ADSS1: variants seen among roughly 807,000 people sequenced by gnomAD.
ADSS1 encodes adenylosuccinate synthase 1.
A neutral mutation model predicts 59.1 loss-of-function variants in ADSS1; 57 were observed. The observed-to-expected ratio is 0.97, with a 90% CI of 0.78 to 1.20. The LOEUF (loss-of-function observed/expected upper bound fraction) is 1.20, where lower values mean the gene tolerates loss of function less well. Among genes scored for constraint, ADSS1 ranks in the 50% most tolerant of loss-of-function variants. ADSS1 has a pLI of 0.00. For synonymous variants in ADSS1, 247 were observed against 249.4 expected, an observed-to-expected ratio of 0.99 and a Z score of 0.09; for missense variants, 603 against 610.3, an observed-to-expected ratio of 0.99 and a Z score of 0.13.
intron 2 of ADSS1, 26 bp downstream of exon 2, chr14:104,735,148 G>T: frequency 6.4e-7 from 1 of 1,573,764 alleles, no homozygotes; most frequent in Non-Finnish European, 8.7e-7. Context: ...CGACCTGTGT[G>T]TGAGCAGGAA....
At chr14:104,728,996 G>T (rs1176051637) in intron 1 of ADSS1, among the ~76,000 whole-genome samples, 1 of 152,236 alleles carries the variant, frequency 6.6e-6, no homozygotes, top group Non-Finnish European at 1.5e-5. Context: ...CGTCAGACAT[G>T]CAGTCCGCTA....
In ADSS1 at chr14:104,741,859, T is replaced by A; in HGVS notation, c.805T>A (p.Phe269Ile). Residue 269 changes from phenylalanine (F) to isoleucine (I), a missense_variant, in exon 9 of 13, where the codon TTT becomes ATT. Physicochemically the swap from Phe to Ile is conservative, Grantham distance 21. Transcript: ENST00000330877. ...LLDIDFGTYP[F>I]VTSSNCTVGG... ...GCTCTGTCTTGCAGGGACCTACCCC[T>A]TTGTGACTTCATCCAACTGCACCGT... 6.2e-7 allele frequency: 1 copy of A among 1,613,292 alleles called. No homozygotes were observed. The highest frequency in any genetic ancestry group is 1.7e-5 in the Admixed American group (1 of 60,022).
rs531351764 is a variant in ADSS1 at position 104,738,696 on chromosome 14, G to T, written c.358+258G>T. Among the ~76,000 whole-genome samples, 6 of 152,362 alleles carry T rather than the reference G, an allele frequency of 3.9e-5. No homozygotes were observed. In the South Asian group the frequency reaches 1.2e-3, roughly 32 times the overall value. On this transcript the variant is annotated intron_variant, in intron 3 of 12. Coordinates refer to ENST00000330877, the MANE Select transcript of ADSS1 (RefSeq NM_152328.5). ...CTGGGAAGTCCAGGAAGGAGCCAGGGACCTGGACCAGACACCCAGTGGGAA... is the reference window on the plus strand; with the variant it reads ...CTGGGAAGTCCAGGAAGGAGCCAGGTACCTGGACCAGACACCCAGTGGGAA...
chr14:104,733,541 C>A (rs191747057), intron 1 of ADSS1, among the ~76,000 whole-genome samples: 38 of 152,178 alleles, frequency 2.5e-4, no homozygotes, highest in African/African-American at 8.7e-4. Context: ...CACGGAGGGT[C>A]CTGCTTGGGC....
intron 1 of ADSS1, among the ~76,000 whole-genome samples, chr14:104,733,952 G>T (rs1036917950): frequency 1.3e-5 from 2 of 152,204 alleles, no homozygotes; most frequent in Non-Finnish European, 2.9e-5. Flanking sequence ...TCTCTCCTGG[G>T]GCAGAGACCT....
intron 11 of ADSS1, chr14:104,745,261 C>T (rs770481589): frequency 3.9e-5 from 10 of 259,258 alleles, no homozygotes; most frequent in Admixed American, 1.5e-4. Flanking sequence ...TTAGTGGATG[C>T]GGTCGGCTCT....
chr14:104,733,669 G>T (rs4983383), intron 1 of ADSS1, among the ~76,000 whole-genome samples: 1 of 152,102 alleles, frequency 6.6e-6, no homozygotes, highest in Non-Finnish European at 1.5e-5. Context: ...TCCCCCATGC[G>T]TAGACAAGTT....
intron 2 of ADSS1, chr14:104,738,097 A>C (rs1891193796): frequency 3.5e-6 from 1 of 283,734 alleles, no homozygotes; most frequent in African/African-American, 2.2e-5. Context: ...CCCAGGTTCA[A>C]GCGATTCTCC....
intron 2 of ADSS1, among the ~76,000 whole-genome samples, chr14:104,735,711 T>G (rs1455670627): frequency 6.6e-6 from 1 of 151,926 alleles, no homozygotes; most frequent in Non-Finnish European, 1.5e-5. Flanking sequence ...ACACAGCTCC[T>G]CCCCTGCAGC....
chr14:104,730,283 C>A, intron 1 of ADSS1: 1 of 1,406,170 alleles, frequency 7.1e-7, no homozygotes, highest in South Asian at 1.6e-5. Context: ...CACTTAGGGT[C>A]AGGAGTTCAA....
chr14:104,732,600 A>G (rs1020967499), intron 1 of ADSS1, among the ~76,000 whole-genome samples: 1 of 152,176 alleles, frequency 6.6e-6, no homozygotes, highest in African/African-American at 2.4e-5. Context: ...TTTGCCCCCA[A>G]CAGAGCCAGG....
At chr14:104,744,585 A>G in intron 10 of ADSS1, 2 of 562,552 alleles carry the variant, frequency 3.6e-6, no homozygotes, top group Non-Finnish European at 6.4e-6. Context: ...GGCTCCTGTG[A>G]GAATTGAATG....
intron 10 of ADSS1, 21 bp from the exon 11 acceptor site, chr14:104,744,791 C>T (rs752470232): frequency 5.0e-6 from 8 of 1,612,882 alleles, no homozygotes; most frequent in East Asian, 4.5e-5. Flanking sequence ...TGGGTTTGCC[C>T]GGCCCCTTGG....
rs760756315 is a variant in ADSS1 at position 104,740,830 on chromosome 14, C to T, written c.585-9C>T. On this transcript the variant is annotated splice_polypyrimidine_tract_variant and intron_variant, in intron 6 of 12. Coordinates refer to ENST00000330877, the MANE Select transcript of ADSS1 (RefSeq NM_152328.5). This position sits in a 1 kb window ranked among gnomAD's most constrained non-coding sequence, Gnocchi z 4.8. ...TGACAGGGGGTGATGATGACTGTCCCTTGTGCAGATTCAAGAACCTGGCCC... is the reference window on the plus strand; with the variant it reads ...TGACAGGGGGTGATGATGACTGTCCTTTGTGCAGATTCAAGAACCTGGCCC... The T allele has an allele frequency of 8.1e-6, 13 of 1,613,848 alleles. No individual in the cohort carries two copies. The highest frequency in any genetic ancestry group is 1.1e-5 in the Non-Finnish European group (13 of 1,179,978).
At chr14:104,730,236 G>GT (rs1890873504) in intron 1 of ADSS1, 2 of 1,475,676 alleles carry the variant, frequency 1.4e-6, no homozygotes, top group African/African-American at 1.4e-5. Context: ...GCGTACATCT[G>GT]TAACTCCAGC....
rs745899389 is a variant in ADSS1 at position 104,740,808 on chromosome 14, CA to C, written c.585-30del. On this transcript the variant is annotated intron_variant, in intron 6 of 12. Transcript: ENST00000330877. The surrounding 1 kb of genome is among the most constrained non-coding windows in gnomAD (Gnocchi z 4.8). The stretch of plus-strand genomic sequence containing the variant: ...CCCTGAGGACCAGCATGGACCATGA[CA>C]GGGGGTGATGATGACTGTCCCTTGT... 4 of 1,613,488 alleles carry C rather than the reference CA, an allele frequency of 2.5e-6. No individual in the cohort carries two copies. Among genetic ancestry groups the C allele is most frequent in the Non-Finnish European group, 3.4e-6 (4 of 1,179,658 alleles).
intron 1 of ADSS1, among the ~76,000 whole-genome samples, chr14:104,725,932 C>G (rs558341130): frequency 6.6e-6 from 1 of 152,360 alleles, no homozygotes; most frequent in Non-Finnish European, 1.5e-5. Flanking sequence ...CCTGGCTCCG[C>G]GCTCCCAGCT....
rs1357947441 is a variant in ADSS1 at position 104,724,353 on chromosome 14, CGACCGGCTCCCGCGTGACGGTGGT to C, written c.85_108del (p.Thr29_Val36del). On this transcript the variant is annotated inframe_deletion, in exon 1 of 13. Coordinates refer to ENST00000330877, the MANE Select transcript of ADSS1 (RefSeq NM_152328.5). Reference sequence around the variant, plus strand: ...GGGCGGCTGCAGCAGGAGGCGGCGGCGACCGGCTCCCGCGTGACGGTGGTGCTGGGCGCGCAGTGGGGGGACGAG... The same window carrying C: ...GGGCGGCTGCAGCAGGAGGCGGCGGCGCTGGGCGCGCAGTGGGGGGACGAG... 4.8e-6 allele frequency: 6 copies of C among 1,244,914 alleles called. No individual in the cohort carries two copies. The East Asian group carries it at 1.9e-4, about 39-fold the overall frequency. The allele number at this position is 1,244,914 out of a possible 1,614,324, so 77.1% of individuals were successfully genotyped here.
At chr14:104,736,127 C>T (rs1455635515) in intron 2 of ADSS1, among the ~76,000 whole-genome samples, 1 of 152,226 alleles carries the variant, frequency 6.6e-6, no homozygotes, top group East Asian at 1.9e-4. Flanking sequence ...TGGAGTGACT[C>T]ACCCAAGACC....
Sources: gnomAD v4.1 joint callset for allele counts (sites outside exome capture counted in the v4.1 genomes callset) on GRCh38, gnomAD v4.1.1 for gene constraint, Gnocchi (gnomAD v3.1) non-coding constraint, MANE v1.5 for transcripts, NCBI Gene and HGNC (gene_info 2026-07-23, HGNC 2026-07-21) for gene names.